The following ROBO1 variants were observed in gnomAD, a reference collection of about 807,000 sequenced individuals.
ROBO1 encodes the protein roundabout guidance receptor 1.
A neutral mutation model predicts 195.9 loss-of-function variants in ROBO1; 149 were observed. That is an observed-to-expected ratio of 0.76 (90% confidence interval 0.67 to 0.87). The LOEUF (loss-of-function observed/expected upper bound fraction) is 0.87. Ranked by LOEUF, ROBO1 falls within the 40% of genes least tolerant of loss-of-function variation. ROBO1 has a pLI of 0.00. For missense variants in ROBO1, 1,933 were observed against 2,068.3 expected (o/e 0.93, Z 1.27); for synonymous variants, 816 against 733.2 (o/e 1.11, Z -1.82).
chr3:78,653,544 A>G (rs1415393668), intron 18 of ROBO1, among the ~76,000 whole-genome samples: 2 of 152,220 alleles, frequency 1.3e-5, no homozygotes, highest in South Asian at 2.1e-4. Flanking sequence ...CTGCTGGTTG[A>G]GCAAATTGCC....
At chr3:78,637,656 C>G (rs1201279379) in intron 22 of ROBO1, among the ~76,000 whole-genome samples, 4 of 152,268 alleles carry the variant, frequency 2.6e-5, no homozygotes, top group South Asian at 2.1e-4. Flanking sequence ...CATTTTTTCT[C>G]TCCTATAGGT....
chr3:79,291,438 T>C lies in ROBO1; in HGVS notation c.89-165899A>G, dbSNP rs1018724170. ...CTTCACCTGGTAATTTCAAAAATCA[T>C]CTTCCAGAATCTACCTTAAGCCCAT... On this transcript the variant is annotated intron_variant, in intron 2 of 30. Transcript: ENST00000464233. 9.8e-5 allele frequency among the ~76,000 whole-genome samples: 15 copies of C among 152,320 alleles called. No individual in the cohort carries two copies. The East Asian group carries it at 1.9e-3, about 20-fold the overall frequency.
intron 2 of ROBO1, among the ~76,000 whole-genome samples, chr3:79,215,274 G>A (rs1275419618): frequency 3.3e-5 from 5 of 152,012 alleles, no homozygotes; most frequent in Non-Finnish European, 7.4e-5. Flanking sequence ...AATAGATCAC[G>A]TGTGACCAGT....
intron 1 of ROBO1, among the ~76,000 whole-genome samples, chr3:79,718,785 C>A (rs1702588115): frequency 6.6e-6 from 1 of 151,894 alleles, no homozygotes; most frequent in Non-Finnish European, 1.5e-5. Flanking sequence ...TTCCCTTATA[C>A]AAATAATAAT....
At chr3:78,731,780 C>T (rs1233274102) in intron 5 of ROBO1, among the ~76,000 whole-genome samples, 1 of 152,078 alleles carries the variant, frequency 6.6e-6, no homozygotes, top group Non-Finnish European at 1.5e-5. Flanking sequence ...TTTTAAAGAA[C>T]TTAAGAATTG....
chr3:79,121,644 G>T (rs1254131640), intron 3 of ROBO1, among the ~76,000 whole-genome samples: 1 of 151,838 alleles, frequency 6.6e-6, no homozygotes, highest in Non-Finnish European at 1.5e-5. Flanking sequence ...TTTTAAATTT[G>T]CATATCACAT....
chr3:79,048,246 T>G (rs2078630688), intron 3 of ROBO1, among the ~76,000 whole-genome samples: 1 of 152,136 alleles, frequency 6.6e-6, no homozygotes, highest in Admixed American at 6.6e-5. Flanking sequence ...CTGCTCACCA[T>G]GCCATCCCCA....
intron 17 of ROBO1, among the ~76,000 whole-genome samples, chr3:78,658,413 C>T (rs537818432): frequency 6.6e-6 from 1 of 152,204 alleles, no homozygotes; most frequent in Non-Finnish European, 1.5e-5. Context: ...GCCTCAGCCT[C>T]CTGAGTAGCT....
In ROBO1 at chr3:78,746,903, G is replaced by C; in HGVS notation, c.500-3C>G. Reference sequence around the variant, plus strand: ...TTGTCTGAAGTCATCCCGAAGTACTGTAGGAACAAGATTAAATCATTATAC... The same window carrying C: ...TTGTCTGAAGTCATCCCGAAGTACTCTAGGAACAAGATTAAATCATTATAC... On this transcript the variant is annotated splice_polypyrimidine_tract_variant and splice_region_variant and intron_variant, in intron 4 of 30. Transcript: ENST00000464233. The C allele has an allele frequency of 6.5e-7, 1 of 1,543,420 alleles. No individual in the cohort carries two copies. Among genetic ancestry groups the C allele is most frequent in the Non-Finnish European group, 8.8e-7 (1 of 1,136,052 alleles).
chr3:79,097,388 G>C (rs2079589960), intron 3 of ROBO1, among the ~76,000 whole-genome samples: 1 of 151,654 alleles, frequency 6.6e-6, no homozygotes, highest in African/African-American at 2.4e-5. Context: ...TAGAATGCTG[G>C]GTTTTTCAAT....
intron 2 of ROBO1, among the ~76,000 whole-genome samples, chr3:79,454,789 T>C (rs894153833): frequency 6.6e-6 from 1 of 152,120 alleles, no homozygotes; most frequent in Non-Finnish European, 1.5e-5. Context: ...TCAGAATCAG[T>C]TGAAAATCTT....
chr3:79,454,351 T>G (rs2039548397), intron 2 of ROBO1, among the ~76,000 whole-genome samples: 1 of 152,152 alleles, frequency 6.6e-6, no homozygotes, highest in Non-Finnish European at 1.5e-5. Context: ...AGTTATACTA[T>G]TTTTAAATGG....
chr3:79,086,649 C>G (rs149434736), intron 3 of ROBO1, among the ~76,000 whole-genome samples: 1 of 152,130 alleles, frequency 6.6e-6, no homozygotes, highest in African/African-American at 2.4e-5. Flanking sequence ...GGAAATGCAG[C>G]GATATTTTCC....
At chr3:79,573,707 C>T (rs1943354171) in intron 2 of ROBO1, among the ~76,000 whole-genome samples, 1 of 152,030 alleles carries the variant, frequency 6.6e-6, no homozygotes, top group African/African-American at 2.4e-5. Context: ...CAGTTTAAAC[C>T]AGTTCATTTT....
chr3:79,046,972 G>A (rs986632909), intron 3 of ROBO1, among the ~76,000 whole-genome samples: 8 of 152,052 alleles, frequency 5.3e-5, no homozygotes, highest in African/African-American at 1.2e-4. Context: ...TACAGAGTTC[G>A]GCATCTAGAA....
At chr3:79,515,198 C>A (rs566535930) in intron 2 of ROBO1, among the ~76,000 whole-genome samples, 1 of 152,278 alleles carries the variant, frequency 6.6e-6, no homozygotes, top group Non-Finnish European at 1.5e-5. Context: ...AGTGCTCATG[C>A]ATTATGAAAG....
At chr3:79,239,881 C>A (rs1271254815) in intron 2 of ROBO1, among the ~76,000 whole-genome samples, 1 of 152,078 alleles carries the variant, frequency 6.6e-6, no homozygotes, top group Non-Finnish European at 1.5e-5. Context: ...TCTTTCCCCA[C>A]CTACATTTTT....
chr3:79,468,620 A>G (rs1400275659), intron 2 of ROBO1, among the ~76,000 whole-genome samples: 1 of 152,220 alleles, frequency 6.6e-6, no homozygotes, highest in African/African-American at 2.4e-5. Flanking sequence ...AGCATGAAGA[A>G]AAAGAGCAAT....
At chr3:79,310,745 C>T (rs1035123981) in intron 2 of ROBO1, among the ~76,000 whole-genome samples, 1 of 151,780 alleles carries the variant, frequency 6.6e-6, no homozygotes, top group South Asian at 2.1e-4. Context: ...TAAATATATA[C>T]AATAATTTTA....
Sources: gnomAD v4.1 joint callset for allele counts (sites outside exome capture counted in the v4.1 genomes callset) on GRCh38, gnomAD v4.1.1 for gene constraint, MANE v1.5 for transcripts, NCBI Gene and HGNC (gene_info 2026-07-23, HGNC 2026-07-21) for gene names.